Variants in ME1 observed in about 807,000 individuals in gnomAD.
ME1 encodes the protein NADP-dependent malic enzyme.
A neutral mutation model predicts 66.4 loss-of-function variants in ME1; 74 were observed. The observed-to-expected ratio is 1.11, with a 90% CI of 0.92 to 1.35. The LOEUF (loss-of-function observed/expected upper bound fraction) is 1.35. Among genes scored for constraint, ME1 ranks in the 40% most tolerant of loss-of-function variants. The probability of loss-of-function intolerance (pLI) is 0.00; values close to 1 mark genes in which losing one functional copy is unlikely to be tolerated. For synonymous variants in ME1, 251 were observed against 235.6 expected (o/e 1.07, Z -0.60); for missense variants, 750 against 694.1 (o/e 1.08, Z -0.90).
intron 6 of ME1, among the ~76,000 whole-genome samples, chr6:83,272,646 C>T (rs1045370509): frequency 5.9e-5 from 9 of 152,030 alleles, no homozygotes; most frequent in African/African-American, 2.2e-4. Flanking sequence ...CAGCTACTTA[C>T]CCCCTAAGTC....
At chr6:83,411,220 C>T (rs1203531365) in intron 1 of ME1, among the ~76,000 whole-genome samples, 2 of 152,036 alleles carry the variant, frequency 1.3e-5, no homozygotes, top group Admixed American at 6.6e-5. Flanking sequence ...AAAAGTTAGC[C>T]GGGCGTGGTG....
rs769863636 is a variant in ME1, at chr6:83,223,761, TC to T, written c.1447del (p.Glu483ArgfsTer3). On this transcript the variant is annotated frameshift_variant and splice_region_variant, in exon 12 of 14. Coordinates refer to ENST00000369705, the MANE Select transcript of ME1 (RefSeq NM_002395.6). LOFTEE classifies it high-confidence loss of function. ...ITDNIFLTTAEVIAQQVSDKH... is the reference protein window; with the variant it reads ...ITDNIFLTTAXVIAQQVSDKH... ...TAAACTTAGAGGATTTTACAATACC[TC>T]AGCAGTAGTGAGGAAAATATTATCT... 6.2e-7 allele frequency: 1 copy of T among 1,613,374 alleles called. No individual in the cohort carries two copies. Among genetic ancestry groups the T allele is most frequent in the South Asian group, 1.1e-5 (1 of 90,986 alleles).
intron 6 of ME1, among the ~76,000 whole-genome samples, chr6:83,311,484 G>T (rs1767931071): frequency 6.6e-6 from 1 of 152,126 alleles, no homozygotes; most frequent in Non-Finnish European, 1.5e-5. Context: ...TGCCAGGAAT[G>T]CTGTGGCAAA....
At chr6:83,321,481 T>A (rs1768173095) in intron 5 of ME1, among the ~76,000 whole-genome samples, 1 of 152,076 alleles carries the variant, frequency 6.6e-6, no homozygotes, top group Non-Finnish European at 1.5e-5. Flanking sequence ...ATGTCCATCA[T>A]TACTGAGGCT....
intron 3 of ME1, among the ~76,000 whole-genome samples, chr6:83,357,902 C>T (rs57372522): frequency 0.035 from 1,108 of 31,484 alleles, 77 homozygotes; most frequent in African/African-American, 0.078. Context: ...AATAAACTCC[C>T]CTCTCTCTCT....
At chr6:83,362,330 G>A (rs1425213664) in intron 3 of ME1, among the ~76,000 whole-genome samples, 1 of 152,204 alleles carries the variant, frequency 6.6e-6, no homozygotes, top group Admixed American at 6.5e-5. Flanking sequence ...CAAAAACTGT[G>A]AAGATATTTG....
At chr6:83,417,147 T>C (rs559055216) in intron 1 of ME1, among the ~76,000 whole-genome samples, 29 of 152,272 alleles carry the variant, frequency 1.9e-4, no homozygotes, top group African/African-American at 6.7e-4. Context: ...ATTCCTGGGC[T>C]CAAGCAATCC....
chr6:83,273,958 T>C (rs903545792), intron 6 of ME1, among the ~76,000 whole-genome samples: 3 of 152,192 alleles, frequency 2.0e-5, no homozygotes, highest in African/African-American at 7.2e-5. Flanking sequence ...TAAATGCTTA[T>C]CTTGCTTGAT....
intron 2 of ME1, among the ~76,000 whole-genome samples, chr6:83,403,969 G>A (rs1400941611): frequency 6.6e-6 from 1 of 152,136 alleles, no homozygotes; most frequent in African/African-American, 2.4e-5. Flanking sequence ...AAACATACGT[G>A]TGCATGTGTC....
At chr6:83,342,937 G>C (rs1222238239) in intron 5 of ME1, among the ~76,000 whole-genome samples, 1 of 152,056 alleles carries the variant, frequency 6.6e-6, no homozygotes, top group African/African-American at 2.4e-5. Flanking sequence ...GCCCGCCTTG[G>C]CCTCCCAAAG....
chr6:83,233,299 T>C (rs1790337514), intron 9 of ME1, among the ~76,000 whole-genome samples: 1 of 152,070 alleles, frequency 6.6e-6, no homozygotes, highest in South Asian at 2.1e-4. Flanking sequence ...GTTGACAAAA[T>C]TAATATATAA....
At chr6:83,220,351 C>T (rs1395123808) in intron 12 of ME1, among the ~76,000 whole-genome samples, 1 of 152,154 alleles carries the variant, frequency 6.6e-6, no homozygotes, top group Non-Finnish European at 1.5e-5. Flanking sequence ...ATTTGTCTCC[C>T]AGGTGTGAAC....
intron 13 of ME1, among the ~76,000 whole-genome samples, chr6:83,212,579 G>A (rs1047170159): frequency 1.2e-4 from 18 of 152,128 alleles, no homozygotes; most frequent in South Asian, 2.1e-4. Flanking sequence ...CTTTGCCAGC[G>A]TCACAGATTC....
At chr6:83,386,034 T>C (rs368120765) in intron 3 of ME1, among the ~76,000 whole-genome samples, 13 of 151,888 alleles carry the variant, frequency 8.6e-5, no homozygotes, top group African/African-American at 2.9e-4. Context: ...TTCATATCTT[T>C]GAAAAAAATT....
chr6:83,290,544 A>T (rs1767481750), intron 6 of ME1, among the ~76,000 whole-genome samples: 1 of 152,104 alleles, frequency 6.6e-6, no homozygotes, highest in East Asian at 1.9e-4. Flanking sequence ...TTTACTTCCA[A>T]TTATGTGGTC....
At chr6:83,282,368 A>G (rs779011779) in intron 6 of ME1, among the ~76,000 whole-genome samples, 2 of 152,238 alleles carry the variant, frequency 1.3e-5, no homozygotes, top group Non-Finnish European at 2.9e-5. Context: ...TATCCATCTG[A>G]CAAAGGGCTA....
At chr6:83,268,639 C>G (rs1767030338) in intron 6 of ME1, among the ~76,000 whole-genome samples, 1 of 151,952 alleles carries the variant, frequency 6.6e-6, no homozygotes, top group Non-Finnish European at 1.5e-5. Context: ...AATCTCAGCT[C>G]ACTGCAGTCT....
rs1051682306 is a variant in ME1 at position 83,357,902 on chromosome 6, CCTCTCT to C, written c.363-5769_363-5764del. Among the ~76,000 whole-genome samples the C allele has an allele frequency of 5.3e-3, 166 of 31,524 alleles. 2 individuals are homozygous for C. The highest frequency in any genetic ancestry group is 0.033 in the Middle Eastern group (1 of 30). 20.7% of individuals were successfully genotyped at this position (31,524 alleles called of 152,430 possible). A position where few individuals can be genotyped will look rare whatever the true frequency, so the allele number is the denominator to read the frequency against. ...TGTTAGTTAATACTTAATAAACTCCCCTCTCTCTCTCTCTCTCTCTCTCTCTCTCTC... is the reference window on the plus strand; with the variant it reads ...TGTTAGTTAATACTTAATAAACTCCCCTCTCTCTCTCTCTCTCTCTCTCTC... On this transcript the variant is annotated intron_variant, in intron 3 of 13. Transcript: ENST00000369705.
intron 5 of ME1, among the ~76,000 whole-genome samples, chr6:83,342,327 G>C (rs1319286033): frequency 6.6e-6 from 1 of 151,982 alleles, no homozygotes; most frequent in Non-Finnish European, 1.5e-5. Context: ...TGTGTGTTTT[G>C]TCCAATTCTT....
Sources: gnomAD v4.1 joint callset for allele counts (sites outside exome capture counted in the v4.1 genomes callset) on GRCh38, gnomAD v4.1.1 for gene constraint, MANE v1.5 for transcripts, NCBI Gene and HGNC (gene_info 2026-07-23, HGNC 2026-07-21) for gene names.